ZNF385B: variants seen among roughly 807,000 people sequenced by gnomAD.
The protein encoded by ZNF385B is zinc finger protein 533.
ZNF385B carries 23 observed loss-of-function variants against 39.2 expected under a neutral mutation model. The observed-to-expected ratio is 0.59, with a 90% CI of 0.42 to 0.83. The LOEUF (loss-of-function observed/expected upper bound fraction) is 0.83. ZNF385B is among the 40% of genes least tolerant of loss of function. The pLI is 0.00. For missense variants in ZNF385B, 552 were observed against 598.9 expected (o/e 0.92, Z 0.82); for synonymous variants, 205 against 222.6 (o/e 0.92, Z 0.70).
chr2:179,451,335 C>A (rs2050133382), intron 6 of ZNF385B, among the ~76,000 whole-genome samples: 1 of 151,342 alleles, frequency 6.6e-6, no homozygotes, highest in African/African-American at 2.4e-5. Flanking sequence ...AAGGAAATAC[C>A]TAGGTATTAG....
chr2:179,687,327 A>T (rs1697998664), intron 3 of ZNF385B, among the ~76,000 whole-genome samples: 1 of 151,896 alleles, frequency 6.6e-6, no homozygotes, highest in African/African-American at 2.4e-5. Flanking sequence ...AACTTGAGGA[A>T]TCTACATTTT....
At chr2:179,746,783 A>T (rs1157491013) in intron 3 of ZNF385B, among the ~76,000 whole-genome samples, 2 of 152,150 alleles carry the variant, frequency 1.3e-5, no homozygotes, top group Non-Finnish European at 2.9e-5. Context: ...TCGTCTTTAG[A>T]AGACACAAGG....
chr2:179,754,885 C>A (rs1049702599), intron 3 of ZNF385B, among the ~76,000 whole-genome samples: 1 of 152,106 alleles, frequency 6.6e-6, no homozygotes, highest in Non-Finnish European at 1.5e-5. Context: ...AAAACCAGCT[C>A]TTGGATTCAT....
intron 3 of ZNF385B, among the ~76,000 whole-genome samples, chr2:179,658,992 G>A (rs1694136890): frequency 6.6e-6 from 1 of 152,142 alleles, no homozygotes; most frequent in African/African-American, 2.4e-5. Context: ...GGCCAGGCTG[G>A]TCTTGAACTC....
intron 3 of ZNF385B, among the ~76,000 whole-genome samples, chr2:179,692,880 G>A (rs986697320): frequency 2.0e-5 from 3 of 152,084 alleles, no homozygotes; most frequent in African/African-American, 7.2e-5. Context: ...GCCTCCTCCT[G>A]CAGCAGGCCC....
At chr2:179,509,168 G>A (rs550784640) in intron 5 of ZNF385B, among the ~76,000 whole-genome samples, 26 of 152,014 alleles carry the variant, frequency 1.7e-4, no homozygotes, top group East Asian at 9.6e-4. Context: ...GGATGGTCTC[G>A]ATCTCCTGAC....
chr2:179,672,509 G>A (rs557491180), intron 3 of ZNF385B, among the ~76,000 whole-genome samples: 2 of 152,278 alleles, frequency 1.3e-5, no homozygotes, highest in South Asian at 4.1e-4. Flanking sequence ...TAGGGGAGGA[G>A]TGAGAGGTAG....
chr2:179,786,731 T>A (rs1705029040), intron 1 of ZNF385B, among the ~76,000 whole-genome samples: 1 of 151,848 alleles, frequency 6.6e-6, no homozygotes, highest in African/African-American at 2.4e-5. Context: ...TATTTAAAGA[T>A]ATTTAGAATA....
intron 3 of ZNF385B, among the ~76,000 whole-genome samples, chr2:179,671,658 A>G (rs6433802): frequency 0.99 from 150,493 of 152,326 alleles, 74,369 homozygotes; most frequent in Middle Eastern, 1. Flanking sequence ...CGAAGGGGCT[A>G]CAGGCACACA....
intron 3 of ZNF385B, among the ~76,000 whole-genome samples, chr2:179,593,714 T>A (rs1351988650): frequency 6.6e-6 from 1 of 152,190 alleles, no homozygotes; most frequent in African/African-American, 2.4e-5. Flanking sequence ...TAGAGAAAGT[T>A]CTTACGCTTA....
chr2:179,473,003 A>C (rs1430119812), intron 6 of ZNF385B, among the ~76,000 whole-genome samples: 3 of 152,244 alleles, frequency 2.0e-5, no homozygotes, highest in Non-Finnish European at 4.4e-5. Flanking sequence ...GGAGGGCACC[A>C]GAGCTTCCCT....
chr2:179,582,938 C>A (rs891832973), intron 3 of ZNF385B, among the ~76,000 whole-genome samples: 3 of 152,172 alleles, frequency 2.0e-5, no homozygotes, highest in Non-Finnish European at 2.9e-5. Flanking sequence ...CAACCTCTGC[C>A]TCCTGGGTTC....
intron 3 of ZNF385B, among the ~76,000 whole-genome samples, chr2:179,718,290 T>C (rs1377650490): frequency 6.6e-6 from 1 of 150,500 alleles, no homozygotes; most frequent in East Asian, 1.9e-4. Context: ...ATACTGGGTC[T>C]TAAAAGTGTT....
chr2:179,445,053 T>C, intron 8 of ZNF385B, 76 bp from the exon 9 acceptor site: 1 of 1,298,462 alleles, frequency 7.7e-7, no homozygotes, highest in South Asian at 1.2e-5. Context: ...AGGTAGCTAT[T>C]TTCTCCATTG....
At chr2:179,485,354 A>G (rs2054455493) in intron 5 of ZNF385B, among the ~76,000 whole-genome samples, 1 of 152,212 alleles carries the variant, frequency 6.6e-6, no homozygotes, top group East Asian at 1.9e-4. Flanking sequence ...TTAACATGCC[A>G]TGATTAGATT....
At chr2:179,744,375 C>T (rs1431484958) in intron 3 of ZNF385B, among the ~76,000 whole-genome samples, 3 of 151,086 alleles carry the variant, frequency 2.0e-5, no homozygotes, top group East Asian at 2.0e-4. Flanking sequence ...GACAGTACAC[C>T]GAAATCCTGG....
At chr2:179,813,278 C>T (rs565769054) in intron 1 of ZNF385B, among the ~76,000 whole-genome samples, 11 of 152,088 alleles carry the variant, frequency 7.2e-5, no homozygotes, top group Non-Finnish European at 1.2e-4. Flanking sequence ...GGACATCTGT[C>T]CCCAATGTAT....
chr2:179,694,952 AAGAAGAG>A (rs1267457017), intron 3 of ZNF385B, among the ~76,000 whole-genome samples: 1 of 113,474 alleles, frequency 8.8e-6, no homozygotes, highest in African/African-American at 3.6e-5. Context: ...AGAAAAAAGA[AAGAAGAG>A]GAGGAGGAGG....
intron 3 of ZNF385B, among the ~76,000 whole-genome samples, chr2:179,647,554 A>G (rs1047815388): frequency 6.6e-6 from 1 of 152,160 alleles, no homozygotes; most frequent in Non-Finnish European, 1.5e-5. Flanking sequence ...ATGGTATTGG[A>G]ATGAGGTTTC....
Sources: gnomAD v4.1 joint callset for allele counts (sites outside exome capture counted in the v4.1 genomes callset) on GRCh38, gnomAD v4.1.1 for gene constraint, MANE v1.5 for transcripts, NCBI Gene and HGNC (gene_info 2026-07-23, HGNC 2026-07-21) for gene names.